NKAIN2: variants seen among roughly 807,000 people sequenced by gnomAD.
NKAIN2 encodes the protein sodium/potassium-transporting ATPase subunit beta-1-interacting protein 2.
Under a neutral mutation model 32.6 loss-of-function variants are expected in NKAIN2, and 14 were observed. That is an observed-to-expected ratio of 0.43 (90% CI 0.28 to 0.67). The LOEUF is 0.67. NKAIN2 is among the 30% of genes least tolerant of loss of function. The probability of loss-of-function intolerance (pLI) is 0.17; values close to 1 mark genes in which losing one functional copy is unlikely to be tolerated. For synonymous variants in NKAIN2, 80 were observed against 87.2 expected (o/e 0.92, Z 0.46); for missense variants, 198 against 258.3 (o/e 0.77, Z 1.60).
intron 1 of NKAIN2, among the ~76,000 whole-genome samples, chr6:124,007,712 A>T (rs540348214): frequency 2.0e-5 from 3 of 152,326 alleles, no homozygotes; most frequent in African/African-American, 7.2e-5. Context: ...AATCATTTTA[A>T]CCAACGACTT....
intron 3 of NKAIN2, among the ~76,000 whole-genome samples, chr6:124,538,059 T>A (rs1779781608): frequency 6.6e-6 from 1 of 152,150 alleles, no homozygotes; most frequent in African/African-American, 2.4e-5. Flanking sequence ...CAATTATTCA[T>A]TGTCATTATG....
intron 1 of NKAIN2, among the ~76,000 whole-genome samples, chr6:124,116,248 G>T (rs964907832): frequency 6.7e-6 from 1 of 149,646 alleles, no homozygotes; most frequent in African/African-American, 2.4e-5. Context: ...ACTCCACCTG[G>T]GGTTCCTTCA....
At chr6:124,196,626 T>TTTCATA (rs1790327295) in intron 1 of NKAIN2, among the ~76,000 whole-genome samples, 1 of 152,060 alleles carries the variant, frequency 6.6e-6, no homozygotes, top group Admixed American at 6.6e-5. Flanking sequence ...CTAACACTCT[T>TTTCATA]ACACATTCAA....
chr6:124,770,976 G>A (rs1177986651), intron 4 of NKAIN2, among the ~76,000 whole-genome samples: 1 of 152,138 alleles, frequency 6.6e-6, no homozygotes, highest in Non-Finnish European at 1.5e-5. Context: ...AATCTAGGAA[G>A]AGCTGACCTC....
intron 3 of NKAIN2, among the ~76,000 whole-genome samples, chr6:124,506,998 G>T (rs75000598): frequency 0.06 from 9,085 of 152,248 alleles, 336 homozygotes; most frequent in East Asian, 0.15. Context: ...TGACTCATGG[G>T]AACATTAAAG....
At chr6:124,087,354 TATC>T (rs1784230477) in intron 1 of NKAIN2, among the ~76,000 whole-genome samples, 1 of 151,812 alleles carries the variant, frequency 6.6e-6, no homozygotes, top group Non-Finnish European at 1.5e-5. Flanking sequence ...TTTTCACTAA[TATC>T]AGAAAAAAGG....
intron 1 of NKAIN2, among the ~76,000 whole-genome samples, chr6:123,978,718 CAT>C (rs1332977308): frequency 1.3e-5 from 2 of 152,066 alleles, no homozygotes; most frequent in Non-Finnish European, 2.9e-5. Flanking sequence ...CACACACACA[CAT>C]ATTAGACACT....
intron 3 of NKAIN2, among the ~76,000 whole-genome samples, chr6:124,554,661 T>G (rs973155640): frequency 6.6e-6 from 1 of 152,232 alleles, no homozygotes; most frequent in Non-Finnish European, 1.5e-5. Context: ...CAATGGGAAG[T>G]TAATTTAAAA....
intron 1 of NKAIN2, among the ~76,000 whole-genome samples, chr6:124,044,847 C>T (rs1782044523): frequency 2.6e-5 from 4 of 151,996 alleles, no homozygotes; most frequent in Admixed American, 2.6e-4. Flanking sequence ...AATTTTCTTA[C>T]TTGCAATAGA....
chr6:124,461,096 G>C lies in NKAIN2; in HGVS notation c.273+105749G>C, dbSNP rs574259694. The stretch of plus-strand genomic sequence containing the variant: ...ATTATTTTAGATTTAGTTGAATTCT[G>C]TATACAAAGTTTTGACACAAAATGT... On this transcript the variant is annotated intron_variant, in intron 3 of 6. Transcript: ENST00000368417. 4.6e-5 allele frequency among the ~76,000 whole-genome samples: 7 copies of C among 151,832 alleles called. No individual in the cohort carries two copies. In the East Asian group the frequency reaches 1.4e-3, roughly 29 times the overall value.
At chr6:124,381,247 T>C (rs955894590) in intron 3 of NKAIN2, among the ~76,000 whole-genome samples, 1 of 144,980 alleles carries the variant, frequency 6.9e-6, no homozygotes, top group Non-Finnish European at 1.5e-5. Context: ...ATCAAGTGCA[T>C]TACTTATGTT....
chr6:124,573,817 A>G lies in NKAIN2; in HGVS notation c.274-84369A>G, dbSNP rs1449894036. Reference sequence around the variant, plus strand: ...ACGTTAAAATCTCCTTTTAGGTAAAATGCTTCACTCAAATCCTCTGAGAGT... The same window carrying G: ...ACGTTAAAATCTCCTTTTAGGTAAAGTGCTTCACTCAAATCCTCTGAGAGT... On this transcript the variant is annotated intron_variant, in intron 3 of 6. Coordinates refer to ENST00000368417, the MANE Select transcript of NKAIN2 (RefSeq NM_001040214.3). Among the ~76,000 whole-genome samples, 40 of 152,146 alleles carry G rather than the reference A, an allele frequency of 2.6e-4. 1 individual carries two copies. The highest frequency in any genetic ancestry group is 2.6e-3 in the Admixed American group (40 of 15,288).
At chr6:123,925,120 T>C (rs978557721) in intron 1 of NKAIN2, among the ~76,000 whole-genome samples, 3 of 152,226 alleles carry the variant, frequency 2.0e-5, no homozygotes, top group African/African-American at 7.2e-5. Flanking sequence ...GTTTCTATTA[T>C]AGGTACTACA....
At chr6:124,191,759 T>C (rs1055169001) in intron 1 of NKAIN2, among the ~76,000 whole-genome samples, 2 of 152,206 alleles carry the variant, frequency 1.3e-5, no homozygotes, top group Non-Finnish European at 2.9e-5. Flanking sequence ...AAGTGTGTCC[T>C]ATCTACTCAT....
intron 3 of NKAIN2, among the ~76,000 whole-genome samples, chr6:124,456,631 T>G (rs952209379): frequency 7.9e-5 from 12 of 151,950 alleles, no homozygotes; most frequent in African/African-American, 1.9e-4. Context: ...TTTTGCCCAT[T>G]TCTTATATAG....
intron 3 of NKAIN2, among the ~76,000 whole-genome samples, chr6:124,468,593 A>G (rs924668718): frequency 4.6e-5 from 7 of 152,208 alleles, no homozygotes; most frequent in Non-Finnish European, 8.8e-5. Context: ...ATATGCTCAT[A>G]GGATGCACAT....
intron 3 of NKAIN2, among the ~76,000 whole-genome samples, chr6:124,510,235 T>A (rs191135756): frequency 1.6e-4 from 24 of 152,274 alleles, no homozygotes; most frequent in African/African-American, 5.3e-4. Flanking sequence ...CTCTTATTTT[T>A]AAAAATTATG....
intron 4 of NKAIN2, among the ~76,000 whole-genome samples, chr6:124,769,008 T>G (rs987960587): frequency 2.3e-4 from 35 of 152,216 alleles, no homozygotes; most frequent in African/African-American, 7.7e-4. Context: ...TCATGCAGAA[T>G]GAACAATCTA....
chr6:124,113,736 C>T (rs1158434379), intron 1 of NKAIN2, among the ~76,000 whole-genome samples: 1 of 152,150 alleles, frequency 6.6e-6, no homozygotes, highest in African/African-American at 2.4e-5. Context: ...CTTAGGGAAC[C>T]ACACTGAGAC....
Sources: gnomAD v4.1 joint callset for allele counts (sites outside exome capture counted in the v4.1 genomes callset) on GRCh38, gnomAD v4.1.1 for gene constraint, MANE v1.5 for transcripts, NCBI Gene and HGNC (gene_info 2026-07-23, HGNC 2026-07-21) for gene names.